Variants in TRDN observed in about 807,000 individuals in gnomAD.
The protein encoded by TRDN is triadin in skeletal muscle.
Under a neutral mutation model 149.7 loss-of-function variants are expected in TRDN, and 161 were observed. The observed-to-expected ratio is 1.08, with a 90% CI of 0.95 to 1.23. The LOEUF is 1.23. Among genes scored for constraint, TRDN ranks in the 50% most tolerant of loss-of-function variants. TRDN has a pLI of 0.00. For synonymous variants in TRDN, 294 were observed against 250.5 expected (o/e 1.17, Z -1.64); for missense variants, 896 against 823.5 (o/e 1.09, Z -1.08).
At chr6:123,334,930 C>A (rs1779806666) in intron 22 of TRDN, among the ~76,000 whole-genome samples, 1 of 151,848 alleles carries the variant, frequency 6.6e-6, no homozygotes, top group African/African-American at 2.4e-5. Flanking sequence ...GAGTAACAGG[C>A]AAATGTAGGT....
At chr6:123,318,742 C>G (rs1779131219) in intron 23 of TRDN, among the ~76,000 whole-genome samples, 1 of 152,020 alleles carries the variant, frequency 6.6e-6, no homozygotes, top group African/African-American at 2.4e-5. Context: ...ATGAAATCTT[C>G]TCAGCCTTAA....
chr6:123,305,226 C>T (rs1244055483), intron 24 of TRDN, among the ~76,000 whole-genome samples: 1 of 152,110 alleles, frequency 6.6e-6, no homozygotes. Context: ...GGCCCAGGAA[C>T]CTTAAGACAG....
rs369163838 is a variant in TRDN, at chr6:123,401,556, TTGCTTAGGAA to T, written c.1052-7889_1052-7880del. 2.8e-3 allele frequency among the ~76,000 whole-genome samples: 422 copies of T among 152,326 alleles called. 3 individuals are homozygous for T. The highest frequency in any genetic ancestry group is 9.5e-3 in the African/African-American group (393 of 41,574). The stretch of plus-strand genomic sequence containing the variant: ...CATAAGAATTAGTTCCACCCACAGT[TTGCTTAGGAA>T]TGCTGTGTGAAAAAATGCTAAATAA... On this transcript the variant is annotated intron_variant, in intron 12 of 40. Transcript: ENST00000334268.
At chr6:123,340,503 A>G (rs77644923) in intron 21 of TRDN, among the ~76,000 whole-genome samples, 1 of 152,202 alleles carries the variant, frequency 6.6e-6, no homozygotes, top group African/African-American at 2.4e-5. Context: ...TGGAAAGTGT[A>G]AAGGATTCTA....
intron 1 of TRDN, among the ~76,000 whole-genome samples, chr6:123,635,313 CAGAAA>C (rs777025676): frequency 5.0e-4 from 69 of 136,646 alleles, no homozygotes; most frequent in Non-Finnish European, 9.6e-4. Flanking sequence ...TATCCTCTCA[CAGAAA>C]AGAAAACACA....
chr6:123,478,416 A>G (rs1368192607), intron 9 of TRDN, among the ~76,000 whole-genome samples: 2 of 152,184 alleles, frequency 1.3e-5, no homozygotes, highest in South Asian at 2.1e-4. Flanking sequence ...TATTTTTTAA[A>G]CTTTCAGAAT....
rs538485774 is a variant in TRDN, at chr6:123,243,184, T to C, written c.1975+9228A>G. Among the ~76,000 whole-genome samples, 7 of 152,166 alleles carry C rather than the reference T, an allele frequency of 4.6e-5. No homozygotes were observed. In the East Asian group the frequency reaches 1.4e-3, roughly 30 times the overall value. Reference sequence around the variant, plus strand: ...CTATTGAGAGTGGTCCCATCATCCTTAGTGGCAGGCCCACAGCTGTCACCA... The same window carrying C: ...CTATTGAGAGTGGTCCCATCATCCTCAGTGGCAGGCCCACAGCTGTCACCA... On this transcript the variant is annotated intron_variant, in intron 38 of 40. Transcript: ENST00000334268.
intron 24 of TRDN, among the ~76,000 whole-genome samples, chr6:123,293,109 T>G (rs1481380943): frequency 6.6e-6 from 1 of 152,004 alleles, no homozygotes; most frequent in Non-Finnish European, 1.5e-5. Context: ...AGTTGCTGGA[T>G]TTTTCATCAA....
chr6:123,556,125 A>G lies in TRDN; in HGVS notation c.233-7513T>C, dbSNP rs143916479. ...GATGCTTCTATAGAGCACCTTTCAG[A>G]TGCTTTTGTAAAGAGAAGAGTATGA... On this transcript the variant is annotated intron_variant, in intron 2 of 40. Transcript: ENST00000334268. Among the ~76,000 whole-genome samples, 443 of 152,316 alleles carry G rather than the reference A, an allele frequency of 2.9e-3. 5 individuals carry two copies. Among genetic ancestry groups the G allele is most frequent in the African/African-American group, 0.01 (429 of 41,570 alleles).
In TRDN at chr6:123,438,130, T is replaced by C. The variant is rs748472700; in HGVS notation, c.992-8A>G. The C allele has an allele frequency of 1.3e-6, 2 of 1,575,370 alleles. No individual in the cohort carries two copies. The highest frequency in any genetic ancestry group is 2.7e-5 in the African/African-American group (2 of 73,438). On this transcript the variant is annotated splice_region_variant and splice_polypyrimidine_tract_variant and intron_variant, in intron 11 of 40. Transcript: ENST00000334268. ...TTTTGATATCTTCTTTTTCTGCTGG[T>C]AAAATAAGAAAGTTATAAGCCTTTA...
At chr6:123,377,611 A>T in intron 18 of TRDN, 105 bp downstream of exon 18, 2 of 1,327,358 alleles carry the variant, frequency 1.5e-6, no homozygotes, top group Non-Finnish European at 2.1e-6. Flanking sequence ...AGATGGAAGC[A>T]TTCCCCACCC....
chr6:123,574,857 C>CATATATATATATAT (rs1162190609), intron 1 of TRDN, among the ~76,000 whole-genome samples: 19 of 50,552 alleles, frequency 3.8e-4, no homozygotes, highest in Non-Finnish European at 5.5e-4. Context: ...TTTATATATA[C>CATATATATATATAT]ATATATATAT....
intron 12 of TRDN, among the ~76,000 whole-genome samples, chr6:123,428,463 A>T (rs1774212711): frequency 6.6e-6 from 1 of 152,194 alleles, no homozygotes; most frequent in South Asian, 2.1e-4. Flanking sequence ...AAGCAGAGAG[A>T]GGTAAATCTC....
At chr6:123,521,339 T>C (rs992691837) in intron 5 of TRDN, among the ~76,000 whole-genome samples, 1 of 152,096 alleles carries the variant, frequency 6.6e-6, no homozygotes, top group Non-Finnish European at 1.5e-5. Flanking sequence ...CCTAATCCAA[T>C]AGGACTGATG....
chr6:123,451,266 A>G (rs927629373), intron 10 of TRDN, among the ~76,000 whole-genome samples: 1 of 150,208 alleles, frequency 6.7e-6, no homozygotes, highest in Admixed American at 6.6e-5. Context: ...AAATAAATAA[A>G]ATTGAAACAA....
At chr6:123,288,625 A>C in intron 24 of TRDN, among the ~76,000 whole-genome samples, 1 of 151,920 alleles carries the variant, frequency 6.6e-6, no homozygotes, top group Non-Finnish European at 1.5e-5. Context: ...GATATGTGAA[A>C]AGATGTTTGA....
At chr6:123,550,403 A>C (rs1346924404) in intron 2 of TRDN, among the ~76,000 whole-genome samples, 1 of 152,046 alleles carries the variant, frequency 6.6e-6, no homozygotes, top group East Asian at 1.9e-4. Flanking sequence ...GGAAAATGCT[A>C]TGGATAGGTC....
intron 38 of TRDN, among the ~76,000 whole-genome samples, chr6:123,228,978 G>A (rs1031157969): frequency 6.6e-6 from 1 of 151,906 alleles, no homozygotes; most frequent in African/African-American, 2.4e-5. Flanking sequence ...ACAATGAAGA[G>A]GTAAGCATAA....
At chr6:123,539,108 G>A (rs1780694269) in intron 4 of TRDN, among the ~76,000 whole-genome samples, 1 of 152,220 alleles carries the variant, frequency 6.6e-6, no homozygotes, top group East Asian at 1.9e-4. Context: ...CTACTCAAAT[G>A]TTATTAATTT....
Sources: gnomAD v4.1 joint callset for allele counts (sites outside exome capture counted in the v4.1 genomes callset) on GRCh38, gnomAD v4.1.1 for gene constraint, MANE v1.5 for transcripts, NCBI Gene and HGNC (gene_info 2026-07-23, HGNC 2026-07-21) for gene names.